The following CTBP1 variants were observed in gnomAD, a reference collection of about 807,000 sequenced individuals.
CTBP1 encodes the protein C-terminal-binding protein 1.
CTBP1 carries 11 observed loss-of-function variants against 42.1 expected under a neutral mutation model. That is an observed-to-expected ratio of 0.26 (90% confidence interval 0.16 to 0.43). The LOEUF (loss-of-function observed/expected upper bound fraction) is 0.43. Ranked by LOEUF, CTBP1 falls within the 20% of genes least tolerant of loss-of-function variation. The pLI is 1.00. For synonymous variants in CTBP1, 324 were observed against 277.1 expected (o/e 1.17, Z -1.68); for missense variants, 399 against 624.3 (o/e 0.64, Z 3.85).
intron 1 of CTBP1, chr4:1,242,920 TACTC>T: frequency 1.0e-6 from 1 of 985,090 alleles, no homozygotes; most frequent in Non-Finnish European, 1.2e-6. Context: ...TGCCAGCCGA[TACTC>T]ATCAACGCCA....
At chr4:1,241,008 G>A (rs1469678919) in intron 2 of CTBP1, among the ~76,000 whole-genome samples, 1 of 152,198 alleles carries the variant, frequency 6.6e-6, no homozygotes, top group Non-Finnish European at 1.5e-5. Context: ...GGTTCCGTGT[G>A]GGGCTCCACC....
chr4:1,216,405 G>A (rs775391824), intron 5 of CTBP1, 200 bp from the exon 6 acceptor site: 76 of 612,132 alleles, frequency 1.2e-4, no homozygotes, highest in African/African-American at 3.5e-4. Flanking sequence ...CTGCCAAGGC[G>A]GAGGAGATGC....
In CTBP1 at chr4:1,212,999, G is replaced by T. The variant is rs1028546796; in HGVS notation, c.1020C>A (p.Val340=). The T allele has an allele frequency of 4.3e-6, 7 of 1,613,956 alleles. No homozygotes were observed. Among genetic ancestry groups the T allele is most frequent in the Non-Finnish European group, 5.9e-6 (7 of 1,179,982 alleles). ...GRIPDSLKNC[V]NKDHLTAATH... is the part of the protein sequence containing the mutation. ...TGGCGGCTGTCAGATGGTCCTTGTT[G>T]ACACAGTTCTTCAGGCTGTCTGGGA... is the stretch of plus-strand genomic sequence containing the variant. Residue 340 remains valine, a synonymous_variant, in exon 9 of 10, where the codon GTC becomes GTA. Coordinates refer to ENST00000382952, the MANE Select transcript of CTBP1 (RefSeq NM_001012614.2).
chr4:1,227,610 G>A (rs1730508271), intron 4 of CTBP1, among the ~76,000 whole-genome samples: 2 of 148,686 alleles, frequency 1.3e-5, no homozygotes, highest in Non-Finnish European at 3.0e-5. Context: ...ATGTGCACGG[G>A]TGCAGATGAG....
Position 1,239,855 on chromosome 4 carries a change from G to A in CTBP1, c.7+1470C>T, listed in dbSNP as rs1411976447. Among the ~76,000 whole-genome samples, 5 of 152,224 alleles carry A rather than the reference G, an allele frequency of 3.3e-5. No homozygotes were observed. The South Asian group carries it at 8.3e-4, about 25-fold the overall frequency. On this transcript the variant is annotated intron_variant, in intron 2 of 9. Coordinates refer to ENST00000382952, the MANE Select transcript of CTBP1 (RefSeq NM_001012614.2). ...CACGGTCAAAACCGCGTCCTGGTTC[G>A]CCTGTTCCTTCATTCCCTCTGGACG...
Position 1,228,866 on chromosome 4 carries a change from G to A in CTBP1, c.163-523C>T, listed in dbSNP as rs911344251. ...ACAAGCACGTCGGCGGAGGCAGGCA[G>A]ACGCCACCCAGCCGTAAGGATACAT... On this transcript the variant is annotated intron_variant, in intron 3 of 9. Transcript: ENST00000382952. Among the ~76,000 whole-genome samples the A allele has an allele frequency of 8.5e-5, 13 of 152,352 alleles. No individual in the cohort carries two copies. In the East Asian group the frequency reaches 2.5e-3, roughly 29 times the overall value.
In CTBP1 at chr4:1,225,242, T is replaced by A. The variant is rs1002797858; in HGVS notation, c.514+118A>T. ...GTGCGCACTCAGTCCTGTCCTGGGT[T>A]GGGACCGACACCTGCAGCAGCCCCA... On this transcript the variant is annotated intron_variant, in intron 5 of 9. Transcript: ENST00000382952. 9 of 1,230,252 alleles carry A rather than the reference T, an allele frequency of 7.3e-6. No homozygotes were observed. In the African/African-American group the frequency reaches 1.3e-4, roughly 18 times the overall value. 76.2% of individuals were successfully genotyped at this position (1,230,252 alleles called of 1,614,324 possible).
Position 1,225,323 on chromosome 4 carries a change from A to C in CTBP1, c.514+37T>G, listed in dbSNP as rs1319575613. The C allele has an allele frequency of 6.6e-6, 10 of 1,519,586 alleles. No individual in the cohort carries two copies. The South Asian group carries it at 9.8e-5, about 15-fold the overall frequency. The allele number at this position is 1,519,586 out of a possible 1,614,324, so 94.1% of individuals were successfully genotyped here. On this transcript the variant is annotated intron_variant, in intron 5 of 9. Transcript: ENST00000382952. ...GCTGAAGAGCGGCAGCGCCAGACAC[A>C]GGGAGGGACACAGGCGTGGAGCTGC... is the stretch of plus-strand genomic sequence containing the variant.
chr4:1,238,453 G>T lies in CTBP1; in HGVS notation c.8-116C>A. ...AGGGCCGACCGCCGGGGGTTTTCTG[G>T]TCTATATGTTGTGATATTTGTAAAA... is the stretch of plus-strand genomic sequence containing the variant. On this transcript the variant is annotated intron_variant, in intron 2 of 9. Coordinates refer to ENST00000382952, the MANE Select transcript of CTBP1 (RefSeq NM_001012614.2). The surrounding 1 kb of genome is among the most constrained non-coding windows in gnomAD (Gnocchi z 5.9). 8.1e-7 allele frequency: 1 copy of T among 1,228,280 alleles called. No individual in the cohort carries two copies. Among genetic ancestry groups the T allele is most frequent in the Non-Finnish European group, 1.1e-6 (1 of 904,938 alleles). 76.1% of individuals were successfully genotyped at this position (1,228,280 alleles called of 1,614,324 possible).
At chr4:1,217,777 G>A (rs2108723807) in intron 5 of CTBP1, 1 of 152,348 alleles carries the variant, frequency 6.6e-6, no homozygotes, top group African/African-American at 2.4e-5. Context: ...AGAGACAGGA[G>A]GATGTAGTTT....
Position 1,233,478 on chromosome 4 carries a change from T to TGCCGCTCC in CTBP1, c.162+4697_162+4704dup, listed in dbSNP as rs1230990844. On this transcript the variant is annotated intron_variant, in intron 3 of 9. Transcript: ENST00000382952. The surrounding 1 kb of genome is among the most constrained non-coding windows in gnomAD (Gnocchi z 4.6). The stretch of plus-strand genomic sequence containing the variant: ...GTCCTGTGCCCTCCCGGAGCCGCCC[T>TGCCGCTCC]GCCGCTCCAGGCCCCGCAGCCCACA... Among the ~76,000 whole-genome samples the TGCCGCTCC allele has an allele frequency of 6.6e-6, 1 of 152,144 alleles. No homozygotes were observed. The highest frequency in any genetic ancestry group is 1.5e-5 in the Non-Finnish European group (1 of 68,012).
In CTBP1 at chr4:1,225,460, C is replaced by A; in HGVS notation, c.414G>T (p.Ala138=). Residue 138 remains alanine, a synonymous_variant, in exon 5 of 10, where the codon GCG becomes GCT. Transcript: ENST00000382952. ...LYRRATWLHQ[A]LREGTRVQSV... is the part of the protein sequence containing the mutation. ...TCTGGACTCGTGTGCCCTCCCGCAG[C>A]GCCTGGTGCAGCCAGGTGGCCCGCC... is the stretch of plus-strand genomic sequence containing the variant. 6.5e-7 allele frequency: 1 copy of A among 1,543,338 alleles called. No homozygotes were observed.
intron 5 of CTBP1, chr4:1,221,653 A>C (rs1729748704): frequency 3.8e-6 from 1 of 265,204 alleles, no homozygotes; most frequent in African/African-American, 2.3e-5. Context: ...CGTGCCCGTG[A>C]TCCCACCTCG....
At chr4:1,248,058 G>C (rs1227154363) in intron 1 of CTBP1, among the ~76,000 whole-genome samples, 1 of 152,230 alleles carries the variant, frequency 6.6e-6, no homozygotes, top group Non-Finnish European at 1.5e-5. Context: ...CTCTGCCTTT[G>C]CAGCCGGGTC....
intron 1 of CTBP1, chr4:1,243,272 A>G (rs1174422357): frequency 7.1e-6 from 7 of 985,384 alleles, no homozygotes; most frequent in Non-Finnish European, 8.4e-6. Context: ...GAAGAAGCAG[A>G]TGTGTGAAGG....
At chr4:1,245,045 C>T in intron 1 of CTBP1, 3 of 985,416 alleles carry the variant, frequency 3.0e-6, no homozygotes, top group African/African-American at 3.5e-5. Flanking sequence ...AGCACGGGGC[C>T]AAGAGAACCT....
Position 1,215,659 on chromosome 4 carries a change from G to A in CTBP1, c.729+332C>T, listed in dbSNP as rs567755130. ...ATGTGAAACCTGAACCTGGCAGCAC[G>A]GAAGTCACAAGGGCCGACCCAACGC... On this transcript the variant is annotated intron_variant, in intron 6 of 9. Coordinates refer to ENST00000382952, the MANE Select transcript of CTBP1 (RefSeq NM_001012614.2). 337 of 372,122 alleles carry A rather than the reference G, an allele frequency of 9.1e-4. 2 individuals carry two copies. Among genetic ancestry groups the A allele is most frequent in the African/African-American group, 5.2e-3 (251 of 48,564 alleles). The allele number at this position is 372,122 out of a possible 1,614,324, so 23.1% of individuals were successfully genotyped here.
rs1259048168 is a variant in CTBP1, at chr4:1,248,945, G to A, written c.-218C>T. The A allele has an allele frequency of 9.9e-7, 1 of 1,010,310 alleles. No homozygotes were observed. Among genetic ancestry groups the A allele is most frequent in the Non-Finnish European group, 1.2e-6 (1 of 840,796 alleles). 62.6% of individuals were successfully genotyped at this position (1,010,310 alleles called of 1,614,324 possible). On this transcript the variant is annotated 5_prime_UTR_variant, in exon 1 of 10. Coordinates refer to ENST00000382952, the MANE Select transcript of CTBP1 (RefSeq NM_001012614.2). Reference sequence around the variant, plus strand: ...CGGCAGGCCCTTGTTGAGCAAGTGCGAGCTGCCCATCGAGAGGCGCGAGCG... The same window carrying A: ...CGGCAGGCCCTTGTTGAGCAAGTGCAAGCTGCCCATCGAGAGGCGCGAGCG...
At chr4:1,248,681 G>A (rs1272777593) in intron 1 of CTBP1, 2 of 982,962 alleles carry the variant, frequency 2.0e-6, no homozygotes, top group Non-Finnish European at 2.4e-6. Context: ...CGCGGGCGGG[G>A]AGAGCAGACT....
Sources: gnomAD v4.1 joint callset for allele counts (sites outside exome capture counted in the v4.1 genomes callset) on GRCh38, gnomAD v4.1.1 for gene constraint, Gnocchi (gnomAD v3.1) non-coding constraint, MANE v1.5 for transcripts, NCBI Gene and HGNC (gene_info 2026-07-23, HGNC 2026-07-21) for gene names.